SRGAP1: variants seen among roughly 807,000 people sequenced by gnomAD.
SRGAP1 encodes SLIT-ROBO Rho GTPase activating protein 1, also known as SLIT-ROBO Rho GTPase-activating protein 1.
A neutral mutation model predicts 121.9 loss-of-function variants in SRGAP1; 43 were observed. The ratio of observed to expected loss-of-function variants is 0.35; its 90% confidence interval spans 0.28 to 0.46. The LOEUF is 0.46. SRGAP1 is among the 20% of genes least tolerant of loss of function. SRGAP1 has a pLI of 1.00. For synonymous variants in SRGAP1, 447 were observed against 485.4 expected (o/e 0.92, Z 1.04); for missense variants, 1,102 against 1,350.9 (o/e 0.82, Z 2.89).
chr12:63,878,604 A>G (rs1900098444), intron 1 of SRGAP1, among the ~76,000 whole-genome samples: 1 of 152,206 alleles, frequency 6.6e-6, no homozygotes, highest in Non-Finnish European at 1.5e-5. Flanking sequence ...TGATTTTTCT[A>G]GTCAATTTGA....
In SRGAP1 at chr12:63,938,741, GT is replaced by G. The variant is rs75409568; in HGVS notation, c.68-45193del. Among the ~76,000 whole-genome samples, 871 of 143,418 alleles carry G rather than the reference GT, an allele frequency of 6.1e-3. 7 individuals are homozygous for G. The highest frequency in any genetic ancestry group is 0.018 in the African/African-American group (706 of 39,444). The allele number at this position is 143,418 out of a possible 152,430, so 94.1% of individuals were successfully genotyped here. The stretch of plus-strand genomic sequence containing the variant: ...GAAATCTCTTCAGAAATGTTTTTAG[GT>G]TTTTTTTTTTTTCCAGCCTGAAATT... On this transcript the variant is annotated intron_variant, in intron 1 of 21. Coordinates refer to ENST00000355086, the MANE Select transcript of SRGAP1 (RefSeq NM_020762.4).
At chr12:63,934,635 T>G (rs938133858) in intron 1 of SRGAP1, among the ~76,000 whole-genome samples, 10 of 152,148 alleles carry the variant, frequency 6.6e-5, no homozygotes, top group Admixed American at 3.9e-4. Flanking sequence ...TTTTCCAGGA[T>G]CTGAGCACAA....
At chr12:63,958,878 G>A (rs2032553674) in intron 1 of SRGAP1, among the ~76,000 whole-genome samples, 1 of 152,146 alleles carries the variant, frequency 6.6e-6, no homozygotes, top group South Asian at 2.1e-4. Flanking sequence ...GATTAATGGT[G>A]TGTCTATTCA....
intron 1 of SRGAP1, among the ~76,000 whole-genome samples, chr12:63,929,836 C>G (rs990266805): frequency 5.9e-5 from 9 of 151,416 alleles, no homozygotes; most frequent in African/African-American, 1.9e-4. Context: ...TTTTCTTTTT[C>G]TATAAAAATG....
chr12:64,102,770 A>G (rs1224694925), intron 15 of SRGAP1, among the ~76,000 whole-genome samples: 1 of 152,190 alleles, frequency 6.6e-6, no homozygotes, highest in Non-Finnish European at 1.5e-5. Flanking sequence ...TTGCCAAAAA[A>G]TCCATTTTGT....
chr12:63,844,871 A>G lies in SRGAP1; in HGVS notation c.55A>G (p.Ser19Gly), dbSNP rs767059239. The change falls in exon 1 of 22, where the codon AGT becomes GGT. Residue 19 changes from serine (S) to glycine (G), a missense_variant. Ser to Gly is a moderately conservative substitution (Grantham distance 56, BLOSUM62 0). Transcript: ENST00000355086. This position sits in a 1 kb window ranked among gnomAD's most constrained non-coding sequence, Gnocchi z 4.3. ...CAAAGAGATCATAGCCGAGTATGAAAGTCAAGTCAAAGGTAAGGATGGGAG... is the reference window on the plus strand; with the variant it reads ...CAAAGAGATCATAGCCGAGTATGAAGGTCAAGTCAAAGGTAAGGATGGGAG... The part of the protein sequence containing the change: ...KDKEIIAEYE[S>G]QVKEIRAQLV... 3 of 1,614,166 alleles carry G rather than the reference A, an allele frequency of 1.9e-6. No individual in the cohort carries two copies. In the South Asian group the frequency reaches 3.3e-5, roughly 18 times the overall value.
intron 4 of SRGAP1, among the ~76,000 whole-genome samples, chr12:64,038,281 A>G (rs2034941622): frequency 6.6e-6 from 1 of 152,198 alleles, no homozygotes. Context: ...ACATATCTGT[A>G]TATATTGTAT....
intron 1 of SRGAP1, among the ~76,000 whole-genome samples, chr12:63,848,026 A>G (rs112153983): frequency 6.7e-6 from 1 of 148,582 alleles, no homozygotes; most frequent in Non-Finnish European, 1.5e-5. Flanking sequence ...TATATATATA[A>G]AAGGAGTATC....
chr12:63,923,659 C>T (rs1423285726), intron 1 of SRGAP1, among the ~76,000 whole-genome samples: 2 of 152,118 alleles, frequency 1.3e-5, no homozygotes, highest in Non-Finnish European at 2.9e-5. Context: ...GTAACAATCT[C>T]CTTTAAGTTT....
rs556966840 is a variant in SRGAP1 at position 64,150,470 on chromosome 12, C to A, written c.*7798C>A. On this transcript the variant is annotated 3_prime_UTR_variant, in exon 22 of 22. Transcript: ENST00000355086. ...GTTCTAATCTTCTGTCTCTGACATACCCAAGGAACCCCTTGTGTAAAAATC... is the reference window on the plus strand; with the variant it reads ...GTTCTAATCTTCTGTCTCTGACATAACCAAGGAACCCCTTGTGTAAAAATC... 6.6e-6 allele frequency: 1 copy of A among 152,140 alleles called. No homozygotes were observed. The highest frequency in any genetic ancestry group is 2.4e-5 in the African/African-American group (1 of 41,504). The allele number at this position is 152,140 out of a possible 1,614,324, so 9.4% of individuals were successfully genotyped here. A position where few individuals can be genotyped will look rare whatever the true frequency, so the allele number is the denominator to read the frequency against.
intron 1 of SRGAP1, among the ~76,000 whole-genome samples, chr12:63,980,081 C>T (rs188183375): frequency 9.2e-5 from 14 of 152,286 alleles, no homozygotes; most frequent in Non-Finnish European, 1.6e-4. Flanking sequence ...GACAGGGTGT[C>T]ACTCTGTTGT....
chr12:64,042,777 C>A lies in SRGAP1; in HGVS notation c.490-13C>A. On this transcript the variant is annotated splice_polypyrimidine_tract_variant and intron_variant, in intron 4 of 21. Transcript: ENST00000355086. ...ACAGACATCTTGTAACAATTTGGGT[C>A]ACTTTTCCACAGGTGATGAAAACAT... is the stretch of plus-strand genomic sequence containing the variant. 6.2e-7 allele frequency: 1 copy of A among 1,608,092 alleles called. No homozygotes were observed. Among genetic ancestry groups the A allele is most frequent in the Non-Finnish European group, 8.5e-7 (1 of 1,176,180 alleles).
At chr12:63,878,615 C>T (rs1900098814) in intron 1 of SRGAP1, among the ~76,000 whole-genome samples, 1 of 152,162 alleles carries the variant, frequency 6.6e-6, no homozygotes, top group East Asian at 1.9e-4. Flanking sequence ...GTCAATTTGA[C>T]TACATCTCTA....
chr12:63,996,253 A>G (rs1049580798), intron 3 of SRGAP1, among the ~76,000 whole-genome samples: 29 of 152,054 alleles, frequency 1.9e-4, no homozygotes, highest in Middle Eastern at 3.2e-3. Context: ...ACTTAAATAT[A>G]TATGTGTATA....
intron 6 of SRGAP1, among the ~76,000 whole-genome samples, chr12:64,058,033 T>C (rs555119986): frequency 6.6e-6 from 1 of 152,290 alleles, no homozygotes; most frequent in South Asian, 2.1e-4. Context: ...CATGGAGTTA[T>C]GCCAAAAAAT....
chr12:63,951,821 T>C (rs2032307066), intron 1 of SRGAP1, among the ~76,000 whole-genome samples: 1 of 152,222 alleles, frequency 6.6e-6, no homozygotes, highest in African/African-American at 2.4e-5. Flanking sequence ...TAGGGGAAGA[T>C]CTGCTTTTCA....
rs137909926 is a variant in SRGAP1, at chr12:64,062,976, G to A, written c.861G>A (p.Ala287=). 30 of 1,613,912 alleles carry A rather than the reference G, an allele frequency of 1.9e-5. No homozygotes were observed. In the African/African-American group the frequency reaches 2.3e-4, roughly 12 times the overall value. ...LNRALRTYLS[A]EYNLETSRHE... Reference sequence around the variant, plus strand: ...GAGCCCTAAGAACATATCTGTCTGCGGAGTACAACCTTGAAACCTCCAGAC... The same window carrying A: ...GAGCCCTAAGAACATATCTGTCTGCAGAGTACAACCTTGAAACCTCCAGAC... Residue 287 remains alanine (A), a synonymous_variant, in exon 7 of 22, where the codon GCG becomes GCA. Coordinates refer to ENST00000355086, the MANE Select transcript of SRGAP1 (RefSeq NM_020762.4).
chr12:63,980,476 T>G (rs1342005335), intron 1 of SRGAP1, among the ~76,000 whole-genome samples: 1 of 152,166 alleles, frequency 6.6e-6, no homozygotes, highest in Non-Finnish European at 1.5e-5. Flanking sequence ...ACAAATCTAG[T>G]GAAGTCATAT....
intron 4 of SRGAP1, among the ~76,000 whole-genome samples, chr12:64,033,218 C>G (rs1242992449): frequency 6.6e-6 from 1 of 151,994 alleles, no homozygotes; most frequent in Non-Finnish European, 1.5e-5. Flanking sequence ...CAGTCCCTAG[C>G]CAGCAGGGTG....
Sources: gnomAD v4.1 joint callset for allele counts (sites outside exome capture counted in the v4.1 genomes callset) on GRCh38, gnomAD v4.1.1 for gene constraint, Gnocchi (gnomAD v3.1) non-coding constraint, MANE v1.5 for transcripts, NCBI Gene and HGNC (gene_info 2026-07-23, HGNC 2026-07-21) for gene names.